Variants in WBP4 observed in about 807,000 individuals in gnomAD.
The protein encoded by WBP4 is WW domain binding protein 4, also known as WW domain-binding protein 4.
A neutral mutation model predicts 55.4 loss-of-function variants in WBP4; 37 were observed. The observed-to-expected ratio is 0.67, with a 90% confidence interval of 0.51 to 0.88. The LOEUF (loss-of-function observed/expected upper bound fraction) is 0.88. WBP4 is among the 40% of genes least tolerant of loss of function. WBP4 has a pLI of 0.00. For missense variants in WBP4, 398 were observed against 420.8 expected (o/e 0.95, Z 0.47); for synonymous variants, 142 against 140.2 (o/e 1.01, Z -0.09).
At chr13:41,075,404 C>T (rs1210382790) in intron 7 of WBP4, among the ~76,000 whole-genome samples, 1 of 152,064 alleles carries the variant, frequency 6.6e-6, no homozygotes, top group Admixed American at 6.6e-5. Context: ...TAAATTGAGA[C>T]AAGGTCTTGC....
At position 41,080,694 on chromosome 13, in the gene WBP4, GA is replaced by G. The variant is rs1354613512; in HGVS notation, c.811del (p.Ser271ValfsTer8). 6.2e-7 allele frequency: 1 copy of G among 1,600,370 alleles called. No homozygotes were observed. The highest frequency in any genetic ancestry group is 8.5e-7 in the Non-Finnish European group (1 of 1,176,882). On this transcript the variant is annotated frameshift_variant, in exon 9 of 10. Coordinates refer to ENST00000379487, the MANE Select transcript of WBP4 (RefSeq NM_007187.5). LOFTEE classifies it high-confidence loss of function. Reference protein sequence around the residue: ...DGGSDPETQKEKSIQKQNSLG... With the variant: ...DGGSDPETQKXKSIQKQNSLG... ...AGGAAGTGACCCAGAAACACAGAAA[GA>G]AAAAAGTATTCAGAAACAGAATTCA...
At chr13:41,073,899 T>TA (rs1297197759) in intron 7 of WBP4, among the ~76,000 whole-genome samples, 2 of 152,182 alleles carry the variant, frequency 1.3e-5, no homozygotes, top group East Asian at 1.9e-4. Flanking sequence ...CATAAATACT[T>TA]ACGAAGCATG....
chr13:41,072,143 C>T (rs945472521), intron 6 of WBP4, among the ~76,000 whole-genome samples: 1 of 151,874 alleles, frequency 6.6e-6, no homozygotes, highest in Non-Finnish European at 1.5e-5. Flanking sequence ...TCACATGTTC[C>T]TGTCCATTTG....
intron 5 of WBP4, among the ~76,000 whole-genome samples, chr13:41,069,769 C>T (rs1314091722): frequency 1.4e-5 from 2 of 147,870 alleles, no homozygotes; most frequent in African/African-American, 5.0e-5. Flanking sequence ...TCCCAGCTAC[C>T]TGGGAGGCTG....
chr13:41,076,342 T>G (rs1878492811), intron 8 of WBP4, 105 bp downstream of exon 8: 30 of 921,992 alleles, frequency 3.3e-5, no homozygotes, highest in Non-Finnish European at 4.1e-5. Flanking sequence ...ACAGTGGCAC[T>G]GTCTTGGCTC....
chr13:41,062,196 A>G, intron 1 of WBP4: 1 of 954,148 alleles, frequency 1.0e-6, no homozygotes, highest in South Asian at 5.0e-5. Context: ...AGTTTGTTTT[A>G]ACTGAGAGTC....
rs369133145 is a variant in WBP4, at chr13:41,064,844, T to TC, written c.76-169dup. Reference sequence around the variant, plus strand: ...AGGACATAATAATAAACAATGTAGTTCCCTAGCATCATTTGATTAAAAGGG... The same window carrying TC: ...AGGACATAATAATAAACAATGTAGTTCCCCTAGCATCATTTGATTAAAAGGG... On this transcript the variant is annotated intron_variant, in intron 2 of 9. Coordinates refer to ENST00000379487, the MANE Select transcript of WBP4 (RefSeq NM_007187.5). 1.7e-3 allele frequency among the ~76,000 whole-genome samples: 254 copies of TC among 152,272 alleles called. 1 individual carries two copies. The highest frequency in any genetic ancestry group is 6.0e-3 in the African/African-American group (249 of 41,580).
chr13:41,061,684 G>A lies in WBP4; in HGVS notation c.2+9G>A, dbSNP rs781732372. The A allele has an allele frequency of 6.2e-7, 1 of 1,614,056 alleles. No individual in the cohort carries two copies. Among genetic ancestry groups the A allele is most frequent in the East Asian group, 2.2e-5 (1 of 44,878 alleles). ...GCGGCTGGCGCAGTCATGTGAGTTG[G>A]GTCTCAGGCCCTGAACAACGAGGTG... On this transcript the variant is annotated intron_variant, in intron 1 of 9. Transcript: ENST00000379487.
intron 7 of WBP4, among the ~76,000 whole-genome samples, chr13:41,074,520 G>A (rs1878392465): frequency 6.6e-6 from 1 of 152,134 alleles, no homozygotes; most frequent in Non-Finnish European, 1.5e-5. Flanking sequence ...TAGCTTTAGA[G>A]TTAGACAGAT....
intron 6 of WBP4, among the ~76,000 whole-genome samples, chr13:41,072,561 T>C (rs1317838207): frequency 2.0e-5 from 3 of 152,204 alleles, no homozygotes; most frequent in Non-Finnish European, 1.5e-5. Flanking sequence ...GTGGATGGTG[T>C]TGAAACCATG....
At chr13:41,062,547 G>A in intron 1 of WBP4, 97 bp from the exon 2 acceptor site, 1 of 1,049,364 alleles carries the variant, frequency 9.5e-7, no homozygotes, top group Non-Finnish European at 1.4e-6. Flanking sequence ...TTCAGTAGCA[G>A]GGGCATATAT....
rs577082882 is a variant in WBP4, at chr13:41,073,082, T to C, written c.562+225T>C. On this transcript the variant is annotated intron_variant, in intron 7 of 9. Transcript: ENST00000379487. ...TCACCAATGTTATTCTCAGTTGATA[T>C]TGCATTCACAAACTTAAAAATAGAA... Among the ~76,000 whole-genome samples the C allele has an allele frequency of 7.9e-5, 12 of 152,366 alleles. 1 individual carries two copies. The South Asian group carries it at 2.1e-3, about 26-fold the overall frequency.
Position 41,071,583 on chromosome 13 carries a change from G to A in WBP4, c.486+10G>A. The A allele has an allele frequency of 1.2e-6, 2 of 1,606,220 alleles. No individual in the cohort carries two copies. The highest frequency in any genetic ancestry group is 1.7e-6 in the Non-Finnish European group (2 of 1,175,958). ...AGGAGACTTAAAAAAGGTAATTGAAGCATATTAATAGTGTTTTTGTTTTAT... is the reference window on the plus strand; with the variant it reads ...AGGAGACTTAAAAAAGGTAATTGAAACATATTAATAGTGTTTTTGTTTTAT... On this transcript the variant is annotated intron_variant, in intron 6 of 9. Transcript: ENST00000379487.
Position 41,065,947 on chromosome 13 carries a change from TC to T in WBP4, c.262+661del, listed in dbSNP as rs560089101. Among the ~76,000 whole-genome samples the T allele has an allele frequency of 1.4e-4, 21 of 152,320 alleles. No individual in the cohort carries two copies. In the East Asian group the frequency reaches 4.0e-3, roughly 29 times the overall value. ...TGTTGATCTTACCTAGTGGTTGCAG[TC>T]ATCAACATGTGATGGTATTCCTCTA... On this transcript the variant is annotated intron_variant, in intron 4 of 9. Coordinates refer to ENST00000379487, the MANE Select transcript of WBP4 (RefSeq NM_007187.5).
chr13:41,064,420 G>A (rs1001239170), intron 2 of WBP4, among the ~76,000 whole-genome samples: 1 of 152,118 alleles, frequency 6.6e-6, no homozygotes, highest in Non-Finnish European at 1.5e-5. Context: ...TGAAATTGCT[G>A]TGTCAAAGGG....
At chr13:41,066,701 T>C (rs535443423) in intron 4 of WBP4, among the ~76,000 whole-genome samples, 13 of 152,254 alleles carry the variant, frequency 8.5e-5, no homozygotes, top group Non-Finnish European at 1.6e-4. Context: ...TGTACTATAA[T>C]TTATTTAATC....
Position 41,073,935 on chromosome 13 carries a change from C to CT in WBP4, c.562+1093dup, listed in dbSNP as rs752889009. Among the ~76,000 whole-genome samples, 983 of 144,546 alleles carry CT rather than the reference C, an allele frequency of 6.8e-3. 9 individuals are homozygous for CT. Among genetic ancestry groups the CT allele is most frequent in the African/African-American group, 0.019 (736 of 39,594 alleles). The allele number at this position is 144,546 out of a possible 152,430, so 94.8% of individuals were successfully genotyped here. ...CATAAATACTAATTGTTATCTAAAACTTTTTTTTTTTTTTTGAGACGGAGT... is the reference window on the plus strand; with the variant it reads ...CATAAATACTAATTGTTATCTAAAACTTTTTTTTTTTTTTTTGAGACGGAGT... On this transcript the variant is annotated intron_variant, in intron 7 of 9. Coordinates refer to ENST00000379487, the MANE Select transcript of WBP4 (RefSeq NM_007187.5).
intron 4 of WBP4, among the ~76,000 whole-genome samples, chr13:41,065,571 C>T (rs1201719807): frequency 6.6e-6 from 1 of 152,136 alleles, no homozygotes. Context: ...ATTTCAGAGA[C>T]ACTTTGAGTT....
At position 41,062,678 on chromosome 13, in the gene WBP4, TG is replaced by T. The variant is rs1349404035; in HGVS notation, c.38del (p.Cys13LeufsTer8). Reference sequence around the variant, plus strand: ...CTGGAAGTCACAGCCAAAGAAATTCTGTGATTACTGCAAGTGCTGGATAGCA... The same window carrying T: ...CTGGAAGTCACAGCCAAAGAAATTCTTGATTACTGCAAGTGCTGGATAGCA... The part of the protein sequence containing the change: ...DYWKSQPKKF[C>X]DYCKCWIADN... On this transcript the variant is annotated frameshift_variant, in exon 2 of 10. Transcript: ENST00000379487. LOFTEE classifies it high-confidence loss of function. 4 of 1,613,824 alleles carry T rather than the reference TG, an allele frequency of 2.5e-6. No individual in the cohort carries two copies. Among genetic ancestry groups the T allele is most frequent in the Non-Finnish European group, 3.4e-6 (4 of 1,179,872 alleles).
Sources: gnomAD v4.1 joint callset for allele counts (sites outside exome capture counted in the v4.1 genomes callset) on GRCh38, gnomAD v4.1.1 for gene constraint, MANE v1.5 for transcripts, NCBI Gene and HGNC (gene_info 2026-07-23, HGNC 2026-07-21) for gene names.